The following VCL variants were observed in gnomAD, a reference collection of about 807,000 sequenced individuals.
VCL encodes the protein vinculin.
Under a neutral mutation model 125.7 loss-of-function variants are expected in VCL, and 47 were observed. That is an observed-to-expected ratio of 0.37 (90% CI 0.30 to 0.48). VCL has a LOEUF of 0.48. VCL is among the 20% of genes least tolerant of loss of function. VCL has a pLI of 0.99. For synonymous variants in VCL, 458 were observed against 514.6 expected (o/e 0.89, Z 1.49); for missense variants, 1,069 against 1,455.5 (o/e 0.73, Z 4.32).
At chr10:74,050,912 G>A (rs186738558) in intron 2 of VCL, among the ~76,000 whole-genome samples, 6 of 147,292 alleles carry the variant, frequency 4.1e-5, no homozygotes, top group Admixed American at 6.8e-5. Flanking sequence ...GCCACATTAA[G>A]CATAATTTAG....
intron 2 of VCL, among the ~76,000 whole-genome samples, chr10:74,050,936 T>C (rs1841287219): frequency 9.8e-6 from 1 of 102,280 alleles, no homozygotes; most frequent in Admixed American, 9.2e-5. Context: ...TACTGTATTT[T>C]TTTTTTTTTT....
At chr10:74,013,905 A>T (rs1045828946) in intron 1 of VCL, among the ~76,000 whole-genome samples, 1 of 14,994 alleles carries the variant, frequency 6.7e-5, no homozygotes, top group African/African-American at 2.2e-4. Flanking sequence ...TGTTGATTTA[A>T]AAAAAAAATG....
chr10:74,114,434 T>TGTGTGC lies in VCL; in HGVS notation c.3153+50_3153+51insTGCGTG, dbSNP rs138018528. On this transcript the variant is annotated intron_variant, in intron 20 of 21. Transcript: ENST00000211998. ...GTGTGTGTGTGTGTGTGTGTGTGTG[T>TGTGTGC]GTGCGTGTGTGTGTGTGTTGGAGGG... is the stretch of plus-strand genomic sequence containing the variant. 7.3e-4 allele frequency: 1,078 copies of TGTGTGC among 1,468,078 alleles called. 24 individuals carry two copies. The highest frequency in any genetic ancestry group is 3.4e-3 in the South Asian group (291 of 86,026). 90.9% of individuals were successfully genotyped at this position (1,468,078 alleles called of 1,614,324 possible).
Position 74,071,229 on chromosome 10 carries a change from C to A in VCL, c.499+146C>A. On this transcript the variant is annotated intron_variant, in intron 4 of 21. Transcript: ENST00000211998. This position sits in a 1 kb window ranked among gnomAD's most constrained non-coding sequence, Gnocchi z 4.1. ...GTCTGCTCTGTTGATGGAGATGATG[C>A]TGTGCTTTGAGGTGATGTCATTATC... The A allele has an allele frequency of 1.3e-6, 1 of 756,316 alleles. No homozygotes were observed. Among genetic ancestry groups the A allele is most frequent in the Non-Finnish European group, 2.3e-6 (1 of 430,236 alleles). The allele number at this position is 756,316 out of a possible 1,614,324, so 46.9% of individuals were successfully genotyped here. A position where few individuals can be genotyped will look rare whatever the true frequency, so the allele number is the denominator to read the frequency against.
intron 1 of VCL, among the ~76,000 whole-genome samples, chr10:74,022,632 C>T (rs528201035): frequency 1.4e-4 from 21 of 149,968 alleles, no homozygotes; most frequent in African/African-American, 4.6e-4. Flanking sequence ...CTTCAGTGTC[C>T]GTAATGTCTT....
chr10:74,042,998 A>G, intron 1 of VCL, 85 bp from the exon 2 acceptor site: 2 of 1,297,778 alleles, frequency 1.5e-6, no homozygotes, highest in South Asian at 2.5e-5. Context: ...ATTATGTTTA[A>G]GTATATGTTT....
intron 21 of VCL, 66 bp from the exon 22 acceptor site, chr10:74,117,957 A>C: frequency 6.2e-7 from 1 of 1,610,662 alleles, no homozygotes; most frequent in Non-Finnish European, 8.5e-7. Flanking sequence ...TCCTGGCTGA[A>C]ACCTATTTTA....
chr10:74,017,825 A>G (rs1459939471), intron 1 of VCL, among the ~76,000 whole-genome samples: 1 of 151,992 alleles, frequency 6.6e-6, no homozygotes, highest in African/African-American at 2.4e-5. Context: ...TAGAAACTAT[A>G]AGAGCTTAAT....
chr10:74,051,285 G>C (rs1841295303), intron 2 of VCL, among the ~76,000 whole-genome samples: 1 of 152,040 alleles, frequency 6.6e-6, no homozygotes, highest in African/African-American at 2.4e-5. Context: ...CATCCAGGCT[G>C]GAGTGCAGTG....
chr10:74,076,520 ATC>A (rs1839589824), intron 6 of VCL: 1 of 152,642 alleles, frequency 6.6e-6, no homozygotes, highest in Admixed American at 6.5e-5. Flanking sequence ...AGCTGATGCT[ATC>A]TCTGTACCTG....
At chr10:74,107,468 A>G (rs1840153997) in intron 17 of VCL, 114 bp downstream of exon 17, 1 of 1,550,732 alleles carries the variant, frequency 6.4e-7, no homozygotes, top group Non-Finnish European at 8.8e-7. Flanking sequence ...TTTAGCTTTC[A>G]TTTGAAGCTT....
chr10:74,104,486 A>G (rs556343464), intron 15 of VCL, among the ~76,000 whole-genome samples: 1 of 152,270 alleles, frequency 6.6e-6, no homozygotes, highest in African/African-American at 2.4e-5. Context: ...GAAAGAAGGA[A>G]TGAGGAATGT....
intron 9 of VCL, 59 bp downstream of exon 9, chr10:74,089,408 A>T (rs1164890694): frequency 3.7e-6 from 6 of 1,604,074 alleles, no homozygotes; most frequent in Non-Finnish European, 5.1e-6. Context: ...CTAAGTCATA[A>T]ATATCCTATC....
chr10:74,018,201 T>TATATAA (rs1433937715), intron 1 of VCL, among the ~76,000 whole-genome samples: 6 of 139,796 alleles, frequency 4.3e-5, no homozygotes, highest in South Asian at 2.2e-4. Flanking sequence ...TATATATATA[T>TATATAA]AAATACATAT....
chr10:74,110,749 T>G (rs1460327867), intron 18 of VCL, among the ~76,000 whole-genome samples: 1 of 152,236 alleles, frequency 6.6e-6, no homozygotes, highest in Non-Finnish European at 1.5e-5. Flanking sequence ...CCATATAAAC[T>G]ACTTCCTCTT....
intron 7 of VCL, 144 bp downstream of exon 7, chr10:74,082,688 G>C (rs1839696862): frequency 1.1e-6 from 1 of 876,242 alleles, no homozygotes; most frequent in South Asian, 1.4e-5. Context: ...TGATAGTTCT[G>C]AGTAACTGAA....
At chr10:74,003,165 C>G (rs778661627) in intron 1 of VCL, among the ~76,000 whole-genome samples, 55 of 151,550 alleles carry the variant, frequency 3.6e-4, no homozygotes, top group Non-Finnish European at 7.7e-4. Context: ...TTCTGCCTCC[C>G]GGGTTCAAGT....
At chr10:74,073,672 CT>C (rs1176054948) in intron 5 of VCL, among the ~76,000 whole-genome samples, 1 of 152,176 alleles carries the variant, frequency 6.6e-6, no homozygotes, top group African/African-American at 2.4e-5. Context: ...CCAGCTGGGA[CT>C]ACCTTCCCAT....
chr10:74,037,728 T>G (rs1841008748), intron 1 of VCL, among the ~76,000 whole-genome samples: 1 of 152,218 alleles, frequency 6.6e-6, no homozygotes, highest in African/African-American at 2.4e-5. Context: ...TCTTCTCTAC[T>G]GGGCAGCTTC....
Sources: allele counts gnomAD v4.1 joint callset (sites outside exome capture counted in the v4.1 genomes callset), GRCh38; gene constraint gnomAD v4.1.1; non-coding constraint Gnocchi (gnomAD v3.1); transcripts MANE v1.5; gene names NCBI Gene and HGNC (gene_info 2026-07-23, HGNC 2026-07-21).